The following MGMT variants were observed in gnomAD, a reference collection of about 807,000 sequenced individuals.
MGMT encodes the protein O-6-methylguanine-DNA methyltransferase.
In MGMT, 14 loss-of-function variants were observed where a neutral mutation model predicts 15.9. The observed-to-expected ratio is 0.88, with a 90% CI of 0.58 to 1.37. The LOEUF is 1.37. MGMT is among the 40% of genes most tolerant of loss of function. The probability of loss-of-function intolerance (pLI) is 0.00; values close to 1 mark genes in which losing one functional copy is unlikely to be tolerated. For missense variants in MGMT, 282 were observed against 268.1 expected (o/e 1.05, Z -0.36); for synonymous variants, 130 against 118.2 (o/e 1.10, Z -0.65).
At chr10:129,550,714 G>A (rs1338511528) in intron 2 of MGMT, among the ~76,000 whole-genome samples, 1 of 152,090 alleles carries the variant, frequency 6.6e-6, no homozygotes, top group Non-Finnish European at 1.5e-5. Context: ...CCAAAGTCCT[G>A]GGATTACAGG....
chr10:129,706,309 G>A (rs909934537), intron 2 of MGMT, among the ~76,000 whole-genome samples: 15 of 152,196 alleles, frequency 9.9e-5, no homozygotes, highest in Admixed American at 5.2e-4. Context: ...CGGTGCTCCC[G>A]GCTGCATCGG....
intron 2 of MGMT, among the ~76,000 whole-genome samples, chr10:129,582,640 G>C (rs1262703865): frequency 6.6e-6 from 1 of 151,888 alleles, no homozygotes; most frequent in Non-Finnish European, 1.5e-5. Flanking sequence ...TTTTAGTGTA[G>C]GTGATCTTGT....
intron 2 of MGMT, among the ~76,000 whole-genome samples, chr10:129,641,724 G>T (rs1212162827): frequency 6.6e-6 from 1 of 152,160 alleles, no homozygotes; most frequent in African/African-American, 2.4e-5. Context: ...GACAATTATA[G>T]TCTGTGTTAT....
intron 2 of MGMT, among the ~76,000 whole-genome samples, chr10:129,567,156 G>C (rs1564854745): frequency 1.3e-5 from 2 of 152,126 alleles, no homozygotes; most frequent in Admixed American, 6.6e-5. Context: ...CCCGCCTGCG[G>C]ACTCCCACTG....
chr10:129,570,707 T>A (rs756468007), intron 2 of MGMT, among the ~76,000 whole-genome samples: 5 of 152,228 alleles, frequency 3.3e-5, no homozygotes, highest in East Asian at 1.9e-4. Flanking sequence ...TGAAAAAAAT[T>A]GACTATTCAT....
At chr10:129,518,303 A>G (rs1845761502) in intron 1 of MGMT, among the ~76,000 whole-genome samples, 1 of 147,554 alleles carries the variant, frequency 6.8e-6, no homozygotes, top group East Asian at 2.1e-4. Context: ...AAGATGAGAA[A>G]ATTCTAAATG....
chr10:129,605,950 A>G (rs1846884746), intron 2 of MGMT, among the ~76,000 whole-genome samples: 1 of 152,122 alleles, frequency 6.6e-6, no homozygotes, highest in Non-Finnish European at 1.5e-5. Context: ...ATGTTGCTGC[A>G]AAGTCCTTAT....
chr10:129,486,262 G>T (rs368743028), intron 1 of MGMT, among the ~76,000 whole-genome samples: 8 of 148,162 alleles, frequency 5.4e-5, no homozygotes, highest in Admixed American at 2.1e-4. Flanking sequence ...ATCTTGGCTC[G>T]CTGCGACCTC....
chr10:129,615,761 C>T (rs986894554), intron 2 of MGMT, among the ~76,000 whole-genome samples: 5 of 152,032 alleles, frequency 3.3e-5, no homozygotes, highest in African/African-American at 9.7e-5. Context: ...GAGAACATGG[C>T]CTGGGCATTA....
chr10:129,758,840 G>A (rs965514116), intron 3 of MGMT, among the ~76,000 whole-genome samples: 6 of 152,156 alleles, frequency 3.9e-5, no homozygotes, highest in South Asian at 2.1e-4. Context: ...CCAAGCAGGC[G>A]GGCAGGCAGG....
At chr10:129,588,660 T>C (rs1846645436) in intron 2 of MGMT, among the ~76,000 whole-genome samples, 1 of 152,228 alleles carries the variant, frequency 6.6e-6, no homozygotes, top group Non-Finnish European at 1.5e-5. Context: ...GTCCTGCCTG[T>C]ACTGCGAGCC....
chr10:129,686,204 T>C (rs1292765841), intron 2 of MGMT, among the ~76,000 whole-genome samples: 1 of 152,100 alleles, frequency 6.6e-6, no homozygotes, highest in African/African-American at 2.4e-5. Context: ...AAGCACTTTT[T>C]TTAAACAAAG....
intron 2 of MGMT, among the ~76,000 whole-genome samples, chr10:129,677,613 C>T (rs941075240): frequency 3.9e-5 from 6 of 152,228 alleles, no homozygotes; most frequent in African/African-American, 1.4e-4. Flanking sequence ...CCCACCATGT[C>T]CCCACCTGAC....
At chr10:129,577,288 C>T (rs1846495340) in intron 2 of MGMT, among the ~76,000 whole-genome samples, 1 of 151,306 alleles carries the variant, frequency 6.6e-6, no homozygotes, top group Non-Finnish European at 1.5e-5. Flanking sequence ...TCAAACTATA[C>T]TACAAGGCTA....
chr10:129,550,384 A>G (rs985684655), intron 2 of MGMT, among the ~76,000 whole-genome samples: 1 of 151,014 alleles, frequency 6.6e-6, no homozygotes, highest in Non-Finnish European at 1.5e-5. Context: ...CAGCACCGGA[A>G]TGTTTCACAG....
At chr10:129,730,345 A>C (rs118002312) in intron 3 of MGMT, among the ~76,000 whole-genome samples, 1,619 of 152,248 alleles carry the variant, frequency 0.011, 22 homozygotes, top group South Asian at 0.041. Context: ...GCATGCATTG[A>C]TAATGTGTCA....
At chr10:129,514,395 T>G (rs572057768) in intron 1 of MGMT, among the ~76,000 whole-genome samples, 1 of 152,356 alleles carries the variant, frequency 6.6e-6, no homozygotes, top group South Asian at 2.1e-4. Context: ...AAACATAGAT[T>G]CCATGTATAA....
chr10:129,560,169 A>G (rs1485129126), intron 2 of MGMT, among the ~76,000 whole-genome samples: 1 of 152,246 alleles, frequency 6.6e-6, no homozygotes, highest in Non-Finnish European at 1.5e-5. Flanking sequence ...AATACCAGTG[A>G]ACCTTGCAAT....
At chr10:129,691,724 C>G (rs536434019) in intron 2 of MGMT, among the ~76,000 whole-genome samples, 5 of 152,198 alleles carry the variant, frequency 3.3e-5, no homozygotes, top group African/African-American at 1.2e-4. Context: ...CTGAGGCAGC[C>G]CACAGTGAGG....
Sources: allele counts gnomAD v4.1 joint callset (sites outside exome capture counted in the v4.1 genomes callset), GRCh38; gene constraint gnomAD v4.1.1; transcripts MANE v1.5; gene names NCBI Gene and HGNC (gene_info 2026-07-23, HGNC 2026-07-21).